GRIN2D: variants seen among roughly 807,000 people sequenced by gnomAD.
The protein encoded by GRIN2D is glutamate receptor ionotropic, NMDA 2D.
Under a neutral mutation model 103.2 loss-of-function variants are expected in GRIN2D, and 37 were observed. That is an observed-to-expected ratio of 0.36 (90% CI 0.28 to 0.47). GRIN2D has a LOEUF of 0.47. Among genes scored for constraint, GRIN2D ranks in the 20% least tolerant of loss-of-function variants. The pLI is 1.00. For missense variants in GRIN2D, 1,557 were observed against 1,910.6 expected (o/e 0.81, Z 3.45); for synonymous variants, 845 against 885.6 (o/e 0.95, Z 0.81).
chr19:48,400,257 G>A (rs1048601592), intron 3 of GRIN2D, among the ~76,000 whole-genome samples: 1 of 152,148 alleles, frequency 6.6e-6, no homozygotes, highest in Admixed American at 6.5e-5. Flanking sequence ...GAGAAGGGGC[G>A]GGGCCTCTCC....
At position 48,398,735 on chromosome 19, in the gene GRIN2D, G is replaced by A; in HGVS notation, c.343G>A (p.Val115Met). ...GCTGTCGGGGTTGCGCGTGCACGGC[G>A]TGGTCTTCGAAGACGACTCGCGCGC... is the stretch of plus-strand genomic sequence containing the variant. Reference protein sequence around the residue: ...DLLSGLRVHGVVFEDDSRAPA... With the variant: ...DLLSGLRVHGMVFEDDSRAPA... The change falls in exon 3 of 14, where the codon GTG (valine) becomes ATG (methionine). Residue 115 changes from valine (V) to methionine (M), a missense_variant. By Grantham distance (21) the Val-to-Met change is conservative (BLOSUM62 1). This residue lies in a region of GRIN2D where 490 missense variants were observed against 601.1 expected (regional missense o/e 0.82). Coordinates refer to ENST00000263269, the MANE Select transcript of GRIN2D (RefSeq NM_000836.4). The A allele has an allele frequency of 6.8e-7, 1 of 1,467,278 alleles. No homozygotes were observed. The highest frequency in any genetic ancestry group is 9.0e-7 in the Non-Finnish European group (1 of 1,115,602). The allele number at this position is 1,467,278 out of a possible 1,614,324, so 90.9% of individuals were successfully genotyped here. A position where few individuals can be genotyped will look rare whatever the true frequency, so the allele number is the denominator to read the frequency against.
chr19:48,401,955 C>T (rs904098802), intron 3 of GRIN2D, among the ~76,000 whole-genome samples: 17 of 152,098 alleles, frequency 1.1e-4, no homozygotes, highest in Non-Finnish European at 2.4e-4. Context: ...CAAAAATGAG[C>T]TTGGCATGGT....
At position 48,443,416 on chromosome 19, in the gene GRIN2D, G is replaced by C; in HGVS notation, c.3490G>C (p.Gly1164Arg). Residue 1164 changes from glycine (G) to arginine (R), a missense_variant, in exon 14 of 14, where the codon GGG (glycine) becomes CGG (arginine). By Grantham distance (125) the Gly-to-Arg change is moderately radical. This residue lies in a region of GRIN2D where 632 missense variants were observed against 572.8 expected (regional missense o/e 1.10). Transcript: ENST00000263269. The surrounding 1 kb of genome is among the most constrained non-coding windows in gnomAD (Gnocchi z 8.9). ...SVDKLGGWRA[G>R]SWDYLPPRSG... ...CGACAAGCTCGGGGGCTGGCGCGCC[G>C]GGAGCTGGGACTACCTGCCCCCGCG... The C allele has an allele frequency of 7.1e-7, 1 of 1,403,164 alleles. No homozygotes were observed. Among genetic ancestry groups the C allele is most frequent in the Non-Finnish European group, 9.2e-7 (1 of 1,082,130 alleles). The allele number at this position is 1,403,164 out of a possible 1,614,324, so 86.9% of individuals were successfully genotyped here. A position where few individuals can be genotyped will look rare whatever the true frequency, so the allele number is the denominator to read the frequency against.
chr19:48,416,138 C>A lies in GRIN2D; in HGVS notation c.1718C>A (p.Ser573Tyr). 2 of 1,613,808 alleles carry A rather than the reference C, an allele frequency of 1.2e-6. No individual in the cohort carries two copies. Among genetic ancestry groups the A allele is most frequent in the South Asian group, 1.1e-5 (1 of 91,050 alleles). ...GTGGCGCGCAGCAATGGCACGGTGT[C>A]CCCCTCGGCCTTCCTCGGTAATCTG... ...VMVARSNGTV[S>Y]PSAFLEPYSP... Residue 573 changes from serine (S) to tyrosine (Y), a missense_variant, in exon 8 of 14, where the codon TCC becomes TAC. By Grantham distance (144) the Ser-to-Tyr change is moderately radical. Around this residue, in one of 7 missense-constraint regions of GRIN2D, gnomAD observed 197 missense variants for 334.1 expected, o/e 0.59. Coordinates refer to ENST00000263269, the MANE Select transcript of GRIN2D (RefSeq NM_000836.4).
Position 48,414,829 on chromosome 19 carries a change from T to TCCCCAAAC in GRIN2D, c.1413-34_1413-27dup. ...TTCATGAGAGAGTCTAAGGAGGGGG[T>TCCCCAAAC]CCCCAAACTCCCCAAGCCTGGTCAC... On this transcript the variant is annotated intron_variant, in intron 6 of 13. Transcript: ENST00000263269. This position sits in a 1 kb window ranked among gnomAD's most constrained non-coding sequence, Gnocchi z 4.6. 6.2e-7 allele frequency: 1 copy of TCCCCAAAC among 1,606,940 alleles called. No individual in the cohort carries two copies. Among genetic ancestry groups the TCCCCAAAC allele is most frequent in the Non-Finnish European group, 8.5e-7 (1 of 1,176,480 alleles).
At position 48,421,699 on chromosome 19, in the gene GRIN2D, A is replaced by G. The variant is rs1377912954; in HGVS notation, c.2092-86A>G. Reference sequence around the variant, plus strand: ...CACTCCTGGGACTGGGGTGTCTGCCAGATAGCGGGTGTGTCTCAGAATGGG... The same window carrying G: ...CACTCCTGGGACTGGGGTGTCTGCCGGATAGCGGGTGTGTCTCAGAATGGG... On this transcript the variant is annotated intron_variant, in intron 10 of 13. Transcript: ENST00000263269. The surrounding 1 kb of genome is among the most constrained non-coding windows in gnomAD (Gnocchi z 4.8). The G allele has an allele frequency of 1.8e-6, 2 of 1,103,304 alleles. No individual in the cohort carries two copies. The highest frequency in any genetic ancestry group is 2.7e-6 in the Non-Finnish European group (2 of 737,880). 68.3% of individuals were successfully genotyped at this position (1,103,304 alleles called of 1,614,324 possible).
In GRIN2D at chr19:48,444,207, C is replaced by T. The variant is rs2147478703; in HGVS notation, c.*270C>T. ...TTTAAACCCGACAAGGGCTTTTTAA[C>T]GTCACCAGATGGGGCGGGAGGTGGG... is the stretch of plus-strand genomic sequence containing the variant. On this transcript the variant is annotated 3_prime_UTR_variant, in exon 14 of 14. Transcript: ENST00000263269. The surrounding 1 kb of genome is among the most constrained non-coding windows in gnomAD (Gnocchi z 5.5). The T allele has an allele frequency of 6.1e-6, 2 of 330,300 alleles. No individual in the cohort carries two copies. Among genetic ancestry groups the T allele is most frequent in the East Asian group, 4.6e-5 (1 of 21,766 alleles). The allele number at this position is 330,300 out of a possible 1,614,324, so 20.5% of individuals were successfully genotyped here.
At position 48,442,764 on chromosome 19, in the gene GRIN2D, C is replaced by A; in HGVS notation, c.2838C>A (p.Thr946=). Residue 946 remains threonine, a synonymous_variant, in exon 14 of 14, where the codon ACC becomes ACA. Transcript: ENST00000263269. The surrounding 1 kb of genome is among the most constrained non-coding windows in gnomAD (Gnocchi z 7.2). Reference sequence around the variant, plus strand: ...CCTCAGTGGACCGCTGGCGCCGGACCAAGGGCGCGGGGCCGCCGGGGGGCG... The same window carrying A: ...CCTCAGTGGACCGCTGGCGCCGGACAAAGGGCGCGGGGCCGCCGGGGGGCG... The part of the protein sequence containing the change: ...ERASVDRWRR[T]KGAGPPGGAG... 1.9e-6 allele frequency: 2 copies of A among 1,076,556 alleles called. No homozygotes were observed. 66.7% of individuals were successfully genotyped at this position (1,076,556 alleles called of 1,614,324 possible). A position where few individuals can be genotyped will look rare whatever the true frequency, so the allele number is the denominator to read the frequency against.
At chr19:48,409,322 A>G (rs1600974708) in intron 4 of GRIN2D, among the ~76,000 whole-genome samples, 1 of 123,002 alleles carries the variant, frequency 8.1e-6, no homozygotes, top group Non-Finnish European at 1.6e-5. Context: ...TCTGTTGCCC[A>G]GGCGGGAGTG....
intron 11 of GRIN2D, among the ~76,000 whole-genome samples, chr19:48,427,894 C>G (rs1417202929): frequency 6.6e-6 from 1 of 152,114 alleles, no homozygotes; most frequent in Non-Finnish European, 1.5e-5. Flanking sequence ...TGTTTTGATT[C>G]ATAGTCCTGG....
chr19:48,402,464 T>C (rs1970728183), intron 3 of GRIN2D, among the ~76,000 whole-genome samples: 2 of 152,050 alleles, frequency 1.3e-5, no homozygotes, highest in Admixed American at 6.5e-5. Flanking sequence ...ATGCCTGTAA[T>C]CCCAGCACTT....
intron 4 of GRIN2D, among the ~76,000 whole-genome samples, chr19:48,406,176 G>A (rs71357823): frequency 0.059 from 8,930 of 152,162 alleles, 421 homozygotes; most frequent in East Asian, 0.23. Flanking sequence ...TAGGCTAGAC[G>A]TCCATTCCTG....
In GRIN2D at chr19:48,444,209, T is replaced by A; in HGVS notation, c.*272T>A. The stretch of plus-strand genomic sequence containing the variant: ...TAAACCCGACAAGGGCTTTTTAACG[T>A]CACCAGATGGGGCGGGAGGTGGGGG... On this transcript the variant is annotated 3_prime_UTR_variant, in exon 14 of 14. Coordinates refer to ENST00000263269, the MANE Select transcript of GRIN2D (RefSeq NM_000836.4). This position sits in a 1 kb window ranked among gnomAD's most constrained non-coding sequence, Gnocchi z 5.5. 6.9e-6 allele frequency: 2 copies of A among 290,992 alleles called. No individual in the cohort carries two copies. Among genetic ancestry groups the A allele is most frequent in the Non-Finnish European group, 1.3e-5 (2 of 157,712 alleles). The allele number at this position is 290,992 out of a possible 1,614,324, so 18.0% of individuals were successfully genotyped here.
Position 48,443,885 on chromosome 19 carries a change from TG to T in GRIN2D, c.3962del (p.Gly1321AlafsTer197). The T allele has an allele frequency of 6.8e-7, 1 of 1,468,574 alleles. No individual in the cohort carries two copies. The allele number at this position is 1,468,574 out of a possible 1,614,324, so 91.0% of individuals were successfully genotyped here. On this transcript the variant is annotated frameshift_variant, in exon 14 of 14. Coordinates refer to ENST00000263269, the MANE Select transcript of GRIN2D (RefSeq NM_000836.4). LOFTEE classifies it high-confidence loss of function. The surrounding 1 kb of genome is among the most constrained non-coding windows in gnomAD (Gnocchi z 8.9). ...ASHRRHRGGD[L>X]GTRRGSAHFS... ...CACCGGAGACACCGGGGCGGGGACC[TG>T]GGCACCCGCAGGGGCTCGGCGCACT... is the stretch of plus-strand genomic sequence containing the variant.
intron 4 of GRIN2D, among the ~76,000 whole-genome samples, chr19:48,410,754 G>C (rs547567572): frequency 6.6e-6 from 1 of 152,138 alleles, no homozygotes; most frequent in African/African-American, 2.4e-5. Context: ...CAGGCAGGAG[G>C]CTGGGATGAG....
chr19:48,421,495 C>T lies in GRIN2D; in HGVS notation c.2092-290C>T, dbSNP rs1343497928. The stretch of plus-strand genomic sequence containing the variant: ...GCAACAGCTCCCAGCTCCTGCCATG[C>T]CAGCCTCTACTCCCAGGACCTCCCG... On this transcript the variant is annotated intron_variant, in intron 10 of 13. Transcript: ENST00000263269. This position sits in a 1 kb window ranked among gnomAD's most constrained non-coding sequence, Gnocchi z 4.8. 2.0e-5 allele frequency among the ~76,000 whole-genome samples: 3 copies of T among 152,066 alleles called. No individual in the cohort carries two copies. The highest frequency in any genetic ancestry group is 4.4e-5 in the Non-Finnish European group (3 of 68,028).
chr19:48,436,746 TAGG>T (rs1169856394), intron 11 of GRIN2D, among the ~76,000 whole-genome samples: 1 of 152,148 alleles, frequency 6.6e-6, no homozygotes, highest in Non-Finnish European at 1.5e-5. Flanking sequence ...GGCAGCTGTC[TAGG>T]AGAAGAATGT....
At chr19:48,436,357 A>G (rs1231317317) in intron 11 of GRIN2D, among the ~76,000 whole-genome samples, 16 of 152,038 alleles carry the variant, frequency 1.1e-4, no homozygotes, top group Admixed American at 1.1e-3. Flanking sequence ...GCTGAGCCAG[A>G]TTACCAGTCT....
rs2147451174 is a variant in GRIN2D at position 48,414,552 on chromosome 19, C to A, written c.1380C>A (p.Val460=). ...GCGGCACCTGCATCCGAGACTCCGT[C>A]CCCTGCCGGAGCCAGCTCAACCGAA... ...PISGTCIRDS[V]PCRSQLNRTH... The change falls in exon 6 of 14, where the codon GTC becomes GTA. Residue 460 remains valine (V), a synonymous_variant. Transcript: ENST00000263269. This position sits in a 1 kb window ranked among gnomAD's most constrained non-coding sequence, Gnocchi z 4.6. 6.4e-7 allele frequency: 1 copy of A among 1,553,792 alleles called. No homozygotes were observed. Among genetic ancestry groups the A allele is most frequent in the Non-Finnish European group, 8.7e-7 (1 of 1,149,100 alleles).
Sources: allele counts gnomAD v4.1 joint callset (sites outside exome capture counted in the v4.1 genomes callset), GRCh38; gene constraint gnomAD v4.1.1; regional missense constraint gnomAD v4.1.1; non-coding constraint Gnocchi (gnomAD v3.1); transcripts MANE v1.5; gene names NCBI Gene and HGNC (gene_info 2026-07-23, HGNC 2026-07-21).